Variants in DOCK8 observed in about 807,000 individuals in gnomAD.
DOCK8 encodes the protein dedicator of cytokinesis 8.
A neutral mutation model predicts 245.6 loss-of-function variants in DOCK8; 141 were observed. That is an observed-to-expected ratio of 0.57 (90% CI 0.50 to 0.66). The LOEUF is 0.66. DOCK8 is among the 30% of genes least tolerant of loss of function. DOCK8 has a pLI of 0.00. For synonymous variants in DOCK8, 1,168 were observed against 970.2 expected (o/e 1.20, Z -3.79); for missense variants, 2,965 against 2,603.4 (o/e 1.14, Z -3.02).
chr9:426,483 T>C (rs1365367854), intron 33 of DOCK8, among the ~76,000 whole-genome samples: 1 of 152,218 alleles, frequency 6.6e-6, no homozygotes, highest in Non-Finnish European at 1.5e-5. Flanking sequence ...CTCTCTCGCA[T>C]GTTGCAGGGG....
intron 1 of DOCK8, among the ~76,000 whole-genome samples, chr9:232,986 G>A (rs980123615): frequency 1.3e-5 from 2 of 152,146 alleles, no homozygotes; most frequent in Non-Finnish European, 2.9e-5. Context: ...TAGTTGTGAT[G>A]TTAGGGTGTC....
At chr9:400,229 C>T (rs1240163189) in intron 26 of DOCK8, among the ~76,000 whole-genome samples, 9 of 96,760 alleles carry the variant, frequency 9.3e-5, no homozygotes, top group Non-Finnish European at 1.3e-4. Context: ...ACCACCACCT[C>T]CACCATCACC....
At chr9:404,135 T>C (rs762477637) in intron 26 of DOCK8, among the ~76,000 whole-genome samples, 4 of 151,442 alleles carry the variant, frequency 2.6e-5, no homozygotes, top group Non-Finnish European at 5.9e-5. Context: ...GAGCTCAAGG[T>C]GCATCAGCGC....
At position 377,081 on chromosome 9, in the gene DOCK8, G is replaced by A. The variant is rs116175117; in HGVS notation, c.2310G>A (p.Glu770=). Residue 770 remains glutamate (E), a synonymous_variant, in exon 20 of 48, where the codon GAG becomes GAA. Coordinates refer to ENST00000432829, the MANE Select transcript of DOCK8 (RefSeq NM_203447.4). ...AGAAAATCAGCGAGATGGCGCTGGA[G>A]CATGAGCTGAAGCTCAGCATCATCT... ...LDQKISEMAL[E]HELKLSIICL... 614 of 1,612,966 alleles carry A rather than the reference G, an allele frequency of 3.8e-4. 1 individual carries two copies. In the African/African-American group the frequency reaches 7.0e-3, roughly 18 times the overall value.
At position 461,527 on chromosome 9, in the gene DOCK8, ATTTTTTTTTTT is replaced by A. The variant is rs530827485; in HGVS notation, c.6069-1971_6069-1961del. ...GAGTTTTTTGTCTTTTAGCAACTGC[ATTTTTTTTTTT>A]TTTTTTTTTTTTTTTTTTGGTGAGA... On this transcript the variant is annotated intron_variant, in intron 46 of 47. Transcript: ENST00000432829. Among the ~76,000 whole-genome samples the A allele has an allele frequency of 4.8e-3, 320 of 67,274 alleles. 3 individuals carry two copies. The highest frequency in any genetic ancestry group is 7.1e-3 in the Non-Finnish European group (263 of 36,936). The allele number at this position is 67,274 out of a possible 152,430, so 44.1% of individuals were successfully genotyped here. A position where few individuals can be genotyped will look rare whatever the true frequency, so the allele number is the denominator to read the frequency against.
intron 14 of DOCK8, among the ~76,000 whole-genome samples, chr9:363,188 A>G (rs912733926): frequency 6.6e-6 from 1 of 152,224 alleles, no homozygotes; most frequent in African/African-American, 2.4e-5. Flanking sequence ...ATGTGACTGA[A>G]AAAAACCACT....
chr9:440,861 G>C (rs1432572603), intron 40 of DOCK8, among the ~76,000 whole-genome samples: 1 of 152,150 alleles, frequency 6.6e-6, no homozygotes, highest in Non-Finnish European at 1.5e-5. Flanking sequence ...AACCGCCCAA[G>C]TAGCTGAGGC....
At chr9:395,875 G>T (rs1002227014) in intron 24 of DOCK8, among the ~76,000 whole-genome samples, 1 of 152,060 alleles carries the variant, frequency 6.6e-6, no homozygotes, top group South Asian at 2.1e-4. Context: ...ATATAGATAC[G>T]ATATGTATAT....
At chr9:331,314 C>A (rs892914327) in intron 9 of DOCK8, among the ~76,000 whole-genome samples, 5 of 152,146 alleles carry the variant, frequency 3.3e-5, no homozygotes, top group African/African-American at 1.2e-4. Flanking sequence ...TGGGATTCGC[C>A]TTCTCTTCAT....
intron 2 of DOCK8, chr9:276,858 G>C (rs900309591): frequency 5.8e-6 from 1 of 173,442 alleles, no homozygotes; most frequent in Non-Finnish European, 1.3e-5. Context: ...GCCCAGGCTG[G>C]AGTGCAGTGG....
At chr9:271,195 C>T (rs549445532) in intron 1 of DOCK8, among the ~76,000 whole-genome samples, 1 of 152,304 alleles carries the variant, frequency 6.6e-6, no homozygotes, top group Non-Finnish European at 1.5e-5. Flanking sequence ...TTGTAGCAAC[C>T]AGTCAGCCAA....
At chr9:405,292 G>C (rs1280652244) in intron 27 of DOCK8, among the ~76,000 whole-genome samples, 1 of 152,146 alleles carries the variant, frequency 6.6e-6, no homozygotes, top group East Asian at 1.9e-4. Context: ...TCCCTGATCA[G>C]GTTAAGTAAA....
intron 12 of DOCK8, among the ~76,000 whole-genome samples, 183 bp downstream of exon 12, chr9:336,901 G>A (rs1367201156): frequency 6.6e-6 from 1 of 152,138 alleles, no homozygotes; most frequent in African/African-American, 2.4e-5. Flanking sequence ...AAAGGGATTT[G>A]TTTCTTTCAG....
intron 4 of DOCK8, among the ~76,000 whole-genome samples, chr9:304,066 A>T (rs1337775896): frequency 1.3e-5 from 2 of 152,230 alleles, no homozygotes; most frequent in Non-Finnish European, 2.9e-5. Context: ...CACAACTTTA[A>T]CAGAGTTCAT....
intron 2 of DOCK8, 25 bp from the exon 3 acceptor site, chr9:286,436 C>A: frequency 6.2e-7 from 1 of 1,612,228 alleles, no homozygotes. Flanking sequence ...TGAGAACCTC[C>A]TTTTCCTTTT....
upstream of DOCK8, chr9:214,396 G>A (rs983561637): frequency 1.1e-6 from 1 of 905,152 alleles, no homozygotes; most frequent in African/African-American, 1.7e-5. Flanking sequence ...AAGGATGATG[G>A]GCATATTGCT....
intron 1 of DOCK8, among the ~76,000 whole-genome samples, chr9:223,232 A>T (rs2046922132): frequency 6.6e-6 from 1 of 152,222 alleles, no homozygotes; most frequent in East Asian, 1.9e-4. Context: ...GAAAAACAGA[A>T]GTTAATAAAC....
rs538640302 is a variant in DOCK8, at chr9:230,450, G to A, written c.53+15421G>A. On this transcript the variant is annotated intron_variant, in intron 1 of 47. Coordinates refer to ENST00000432829, the MANE Select transcript of DOCK8 (RefSeq NM_203447.4). ...ATGGCTGGGTCAAATGGTATTTCTA[G>A]TTCTAGATCCCTGAGGAATCGCCAC... Among the ~76,000 whole-genome samples, 1,444 of 152,134 alleles carry A rather than the reference G, an allele frequency of 9.5e-3. 17 individuals carry two copies. Among genetic ancestry groups the A allele is most frequent in the African/African-American group, 0.033 (1,371 of 41,464 alleles).
intron 12 of DOCK8, 81 bp downstream of exon 12, chr9:336,799 G>A: frequency 6.4e-7 from 1 of 1,555,406 alleles, no homozygotes; most frequent in Admixed American, 1.7e-5. Flanking sequence ...AGGATACGTA[G>A]TGATTAAGAG....
Sources: allele counts gnomAD v4.1 joint callset (sites outside exome capture counted in the v4.1 genomes callset), GRCh38; gene constraint gnomAD v4.1.1; transcripts MANE v1.5; gene names NCBI Gene and HGNC (gene_info 2026-07-23, HGNC 2026-07-21).